The following TMPRSS11B variants were observed in gnomAD, a reference collection of about 807,000 sequenced individuals.
TMPRSS11B encodes the protein transmembrane serine protease 11B, also known as transmembrane protease serine 11B.
TMPRSS11B carries 53 observed loss-of-function variants against 44.7 expected under a neutral mutation model. The ratio of observed to expected loss-of-function variants is 1.19; its 90% CI spans 0.95 to 1.49. The LOEUF (loss-of-function observed/expected upper bound fraction) is 1.49, where lower values mean the gene tolerates loss of function less well. TMPRSS11B is among the 40% of genes most tolerant of loss of function. The pLI is 0.00. For synonymous variants in TMPRSS11B, 140 were observed against 159.2 expected (o/e 0.88, Z 0.91); for missense variants, 526 against 494.8 (o/e 1.06, Z -0.60).
chr4:68,229,169 T>G, intron 8 of TMPRSS11B, 88 bp downstream of exon 8: 2 of 1,314,100 alleles, frequency 1.5e-6, no homozygotes, highest in South Asian at 2.9e-5. Flanking sequence ...ATTGATTAAT[T>G]GCATGAGGGG....
intron 2 of TMPRSS11B, among the ~76,000 whole-genome samples, chr4:68,237,992 T>C (rs1025167147): frequency 6.6e-6 from 1 of 151,956 alleles, no homozygotes; most frequent in African/African-American, 2.4e-5. Flanking sequence ...ACTCCAGACT[T>C]GGTGACAGAG....
At chr4:68,228,978 C>T in intron 8 of TMPRSS11B, 94 bp from the exon 9 acceptor site, 1 of 1,378,308 alleles carries the variant, frequency 7.3e-7, no homozygotes, top group Non-Finnish European at 9.8e-7. Context: ...CTCTTGGTCA[C>T]CAAGAGTCAG....
Position 68,236,232 on chromosome 4 carries a change from A to T in TMPRSS11B, c.159T>A (p.Ile53=). ...AATTATCATTGTATGTGACTCCAGAAATATGAAAATCACCTTGATAATAGT... is the reference window on the plus strand; with the variant it reads ...AATTATCATTGTATGTGACTCCAGATATATGAAAATCACCTTGATAATAGT... The part of the protein sequence containing the change: ...KTYYYQGDFH[I]SGVTYNDNCE... Residue 53 remains isoleucine, a synonymous_variant, in exon 3 of 10, where the codon ATT becomes ATA. Coordinates refer to ENST00000332644, the MANE Select transcript of TMPRSS11B (RefSeq NM_182502.3). The T allele has an allele frequency of 6.2e-7, 1 of 1,611,888 alleles. No individual in the cohort carries two copies. The highest frequency in any genetic ancestry group is 8.5e-7 in the Non-Finnish European group (1 of 1,178,886).
chr4:68,230,877 A>G (rs938714034), intron 7 of TMPRSS11B, among the ~76,000 whole-genome samples: 2 of 151,954 alleles, frequency 1.3e-5, no homozygotes, highest in African/African-American at 4.8e-5. Context: ...TAGTTTCCTC[A>G]TCTTCAAATG....
intron 5 of TMPRSS11B, among the ~76,000 whole-genome samples, 169 bp from the exon 6 acceptor site, chr4:68,232,585 A>T (rs1719546848): frequency 6.6e-6 from 1 of 152,230 alleles, no homozygotes; most frequent in South Asian, 2.1e-4. Context: ...TTGTTACATT[A>T]TAACCATCTC....
intron 4 of TMPRSS11B, 46 bp from the exon 5 acceptor site, chr4:68,234,669 A>C (rs777522852): frequency 1.9e-6 from 3 of 1,594,002 alleles, no homozygotes; most frequent in Non-Finnish European, 1.7e-6. Context: ...TTGATCTTTT[A>C]GAGGTTTTGT....
rs1329789652 is a variant in TMPRSS11B at position 68,229,668 on chromosome 4, C to T, written c.687-152G>A. On this transcript the variant is annotated intron_variant, in intron 7 of 9. Coordinates refer to ENST00000332644, the MANE Select transcript of TMPRSS11B (RefSeq NM_182502.3). ...TTTGAAAACTATCTTTGACATGGAG[C>T]TGTTGTAAATGTTGCAGTCACTTAA... is the stretch of plus-strand genomic sequence containing the variant. 6 of 662,252 alleles carry T rather than the reference C, an allele frequency of 9.1e-6. No homozygotes were observed. The Admixed American group carries it at 1.6e-4, about 18-fold the overall frequency. 41.0% of individuals were successfully genotyped at this position (662,252 alleles called of 1,614,324 possible).
intron 5 of TMPRSS11B, among the ~76,000 whole-genome samples, chr4:68,232,849 T>TC (rs1327238975): frequency 1.8e-5 from 2 of 112,898 alleles, no homozygotes; most frequent in African/African-American, 6.6e-5. Context: ...TCTAATGCTG[T>TC]CCCTCCCCCC....
At chr4:68,239,401 G>T (rs887636359) in intron 2 of TMPRSS11B, among the ~76,000 whole-genome samples, 3 of 152,112 alleles carry the variant, frequency 2.0e-5, no homozygotes, top group African/African-American at 4.8e-5. Context: ...CTATTTAGAA[G>T]CCAGGAAAAG....
chr4:68,241,829 CAA>C (rs747831103), intron 1 of TMPRSS11B, 25 bp from the exon 2 acceptor site: 1 of 1,398,464 alleles, frequency 7.2e-7, no homozygotes, highest in Non-Finnish European at 1.0e-6. Flanking sequence ...AATTTTGGTT[CAA>C]ATCAGATAAT....
intron 7 of TMPRSS11B, 29 bp from the exon 8 acceptor site, chr4:68,229,545 C>G (rs749701584): frequency 6.3e-7 from 1 of 1,591,696 alleles, no homozygotes; most frequent in Non-Finnish European, 8.6e-7. Flanking sequence ...TTAGAATACA[C>G]TCAGTTGCTG....
chr4:68,228,217 T>G, intron 9 of TMPRSS11B, 145 bp from the exon 10 acceptor site: 1 of 745,526 alleles, frequency 1.3e-6, no homozygotes, highest in Non-Finnish European at 2.1e-6. Context: ...GGACTTTTTT[T>G]TAAAACACAA....
intron 2 of TMPRSS11B, among the ~76,000 whole-genome samples, chr4:68,240,563 T>A (rs1719796731): frequency 6.6e-6 from 1 of 152,144 alleles, no homozygotes; most frequent in Non-Finnish European, 1.5e-5. Flanking sequence ...GCAAACTGTA[T>A]GTTGAAAAAA....
At chr4:68,232,772 A>G (rs536923354) in intron 5 of TMPRSS11B, among the ~76,000 whole-genome samples, 2 of 152,172 alleles carry the variant, frequency 1.3e-5, no homozygotes, top group Non-Finnish European at 2.9e-5. Context: ...GGTTTGTGAC[A>G]TATGTATACA....
At chr4:68,242,290 T>C (rs868786387) in intron 1 of TMPRSS11B, among the ~76,000 whole-genome samples, 2,297 of 60,328 alleles carry the variant, frequency 0.038, 75 homozygotes, top group South Asian at 0.12. Context: ...TATATTATAT[T>C]ATACATAATA....
intron 1 of TMPRSS11B, 33 bp from the exon 2 acceptor site, chr4:68,241,837 A>G (rs764049232): frequency 1.5e-6 from 2 of 1,292,890 alleles, no homozygotes; most frequent in Admixed American, 3.4e-5. Context: ...TTCAAATCAG[A>G]TAATAACAAT....
At chr4:68,236,128 A>T in intron 3 of TMPRSS11B, 23 bp downstream of exon 3, 1 of 1,565,284 alleles carries the variant, frequency 6.4e-7, no homozygotes, top group Non-Finnish European at 8.7e-7. Flanking sequence ...TAATAAAATT[A>T]ATTTTAAAAA....
intron 5 of TMPRSS11B, 34 bp from the exon 6 acceptor site, chr4:68,232,450 G>A (rs549733881): frequency 6.3e-7 from 1 of 1,598,646 alleles, no homozygotes; most frequent in Admixed American, 1.7e-5. Context: ...ATATAAAATT[G>A]AGCAAATATC....
intron 4 of TMPRSS11B, among the ~76,000 whole-genome samples, chr4:68,234,970 A>G (rs995934454): frequency 4.6e-5 from 7 of 152,188 alleles, no homozygotes; most frequent in Admixed American, 1.3e-4. Context: ...TAATAACTTC[A>G]TTTTATAGAA....
Sources: gnomAD v4.1 joint callset for allele counts (sites outside exome capture counted in the v4.1 genomes callset) on GRCh38, gnomAD v4.1.1 for gene constraint, MANE v1.5 for transcripts, NCBI Gene and HGNC (gene_info 2026-07-23, HGNC 2026-07-21) for gene names.